Variants in ADRA1B observed in about 807,000 individuals in gnomAD.
ADRA1B encodes the protein adrenoceptor alpha 1B, also known as alpha-1B adrenergic receptor.
In ADRA1B, 17 loss-of-function variants were observed where a neutral mutation model predicts 17.9. The ratio of observed to expected loss-of-function variants is 0.95; its 90% CI spans 0.65 to 1.42. ADRA1B has a LOEUF of 1.42. Among genes scored for constraint, ADRA1B ranks in the 40% most tolerant of loss-of-function variants. The pLI, the probability that ADRA1B is intolerant of heterozygous loss-of-function variation, is 0.00. For synonymous variants in ADRA1B, 366 were observed against 327.6 expected, an observed-to-expected ratio of 1.12 and a Z score of -1.27; for missense variants, 681 against 722.1, an observed-to-expected ratio of 0.94 and a Z score of 0.65.
At chr5:159,887,356 A>G (rs1298754729) in intron 1 of ADRA1B, among the ~76,000 whole-genome samples, 1 of 152,234 alleles carries the variant, frequency 6.6e-6, no homozygotes, top group Non-Finnish European at 1.5e-5. Flanking sequence ...GTTAATTTCA[A>G]GAGGGAATGT....
At chr5:159,938,886 A>G (rs1755027734) in intron 1 of ADRA1B, among the ~76,000 whole-genome samples, 1 of 152,216 alleles carries the variant, frequency 6.6e-6, no homozygotes, top group Admixed American at 6.5e-5. Context: ...AGGAAATGCT[A>G]AGAGACTCTA....
At chr5:159,872,349 A>G (rs1753754895) in intron 1 of ADRA1B, among the ~76,000 whole-genome samples, 1 of 152,058 alleles carries the variant, frequency 6.6e-6, no homozygotes, top group Non-Finnish European at 1.5e-5. Context: ...CCAAAATATC[A>G]TTGGCCAAAC....
chr5:159,893,610 A>ATTCT (rs1347217660), intron 1 of ADRA1B, among the ~76,000 whole-genome samples: 3 of 152,198 alleles, frequency 2.0e-5, no homozygotes, highest in Non-Finnish European at 4.4e-5. Context: ...GAAAGATGCA[A>ATTCT]TTCTTTCTTT....
intron 1 of ADRA1B, chr5:159,868,786 C>T (rs947906444): frequency 3.3e-5 from 5 of 152,198 alleles, no homozygotes; most frequent in African/African-American, 1.2e-4. Context: ...TCAGTTCATA[C>T]ACCTCCAATG....
intron 1 of ADRA1B, among the ~76,000 whole-genome samples, chr5:159,884,060 C>T (rs1278413105): frequency 6.6e-6 from 1 of 152,124 alleles, no homozygotes; most frequent in Non-Finnish European, 1.5e-5. Flanking sequence ...TCTGTGGCAT[C>T]GTCTCCACAA....
chr5:159,978,301 A>G, the ADRA1B span, among the ~76,000 whole-genome samples: 12 of 152,218 alleles, frequency 7.9e-5, no homozygotes, highest in Non-Finnish European at 1.5e-4. Context: ...AAATGCTATA[A>G]TAGCAGAATA....
intron 1 of ADRA1B, among the ~76,000 whole-genome samples, chr5:159,949,802 A>G (rs1179496305): frequency 6.6e-6 from 1 of 152,232 alleles, no homozygotes; most frequent in African/African-American, 2.4e-5. Context: ...TGTGCACTTC[A>G]GCAGCCTCAG....
chr5:159,981,904 T>G, the ADRA1B span, among the ~76,000 whole-genome samples: 25 of 152,370 alleles, frequency 1.6e-4, no homozygotes, highest in African/African-American at 5.3e-4. Flanking sequence ...AAAATATTTC[T>G]GCAGATTCTT....
intron 1 of ADRA1B, among the ~76,000 whole-genome samples, chr5:159,929,579 T>A (rs925414878): frequency 3.3e-5 from 5 of 152,072 alleles, no homozygotes; most frequent in Non-Finnish European, 7.4e-5. Flanking sequence ...TTTCTATACT[T>A]TTTTTCTTTA....
chr5:159,912,599 C>A (rs769280692), upstream of ADRA1B, among the ~76,000 whole-genome samples: 17 of 152,184 alleles, frequency 1.1e-4, no homozygotes, highest in Non-Finnish European at 2.4e-4. Context: ...CTGCCTTTTT[C>A]TTTTTTTAAT....
At chr5:159,925,431 AAC>A (rs1448900013) in intron 1 of ADRA1B, among the ~76,000 whole-genome samples, 8 of 152,214 alleles carry the variant, frequency 5.3e-5, no homozygotes, top group African/African-American at 1.9e-4. Flanking sequence ...AATTTGGAGA[AAC>A]ACATAAAATT....
At chr5:159,981,932 A>G in the ADRA1B span, among the ~76,000 whole-genome samples, 1 of 152,136 alleles carries the variant, frequency 6.6e-6, no homozygotes, top group Non-Finnish European at 1.5e-5. Context: ...CCTGTCATTA[A>G]GAGGTGAAGC....
chr5:159,927,382 C>CACACACAA (rs1491148301), intron 1 of ADRA1B, among the ~76,000 whole-genome samples: 1 of 26,110 alleles, frequency 3.8e-5, no homozygotes, highest in East Asian at 2.8e-3. Flanking sequence ...TTAAAACATG[C>CACACACAA]ACACACACAC....
intron 1 of ADRA1B, among the ~76,000 whole-genome samples, chr5:159,957,119 G>A (rs983136126): frequency 1.2e-4 from 18 of 152,182 alleles, no homozygotes; most frequent in African/African-American, 3.9e-4. Context: ...TGATCCGCCC[G>A]CTTTGGCCTC....
chr5:159,867,406 C>T (rs1753671763), intron 1 of ADRA1B, among the ~76,000 whole-genome samples: 1 of 152,092 alleles, frequency 6.6e-6, no homozygotes, highest in Admixed American at 6.5e-5. Context: ...TCATGCAGTT[C>T]TGGGGAGTGA....
chr5:159,903,476 A>T (rs1413023773), intron 1 of ADRA1B, among the ~76,000 whole-genome samples: 2 of 152,250 alleles, frequency 1.3e-5, no homozygotes, highest in Non-Finnish European at 2.9e-5. Flanking sequence ...GTGGTATATT[A>T]TCCTCACTAT....
intron 1 of ADRA1B, among the ~76,000 whole-genome samples, chr5:159,953,605 T>C (rs1390672748): frequency 6.6e-6 from 1 of 152,204 alleles, no homozygotes; most frequent in Non-Finnish European, 1.5e-5. Context: ...TACCACTGTG[T>C]AATCTTGAGC....
intron 1 of ADRA1B, among the ~76,000 whole-genome samples, chr5:159,943,481 T>C (rs1755189705): frequency 6.6e-6 from 1 of 152,180 alleles, no homozygotes; most frequent in South Asian, 2.1e-4. Flanking sequence ...GATGAAAGAA[T>C]GCCACACATG....
At chr5:159,904,915 C>T (rs930546339) in intron 1 of ADRA1B, among the ~76,000 whole-genome samples, 1 of 152,186 alleles carries the variant, frequency 6.6e-6, no homozygotes, top group African/African-American at 2.4e-5. Flanking sequence ...GTTTGATGGG[C>T]TCCATAGAGT....
Sources: allele counts gnomAD v4.1 joint callset (sites outside exome capture counted in the v4.1 genomes callset), GRCh38; gene constraint gnomAD v4.1.1; transcripts MANE v1.5; gene names NCBI Gene and HGNC (gene_info 2026-07-23, HGNC 2026-07-21).